CDK14: variants seen among roughly 807,000 people sequenced by gnomAD.
The protein encoded by CDK14 is cyclin-dependent kinase 14.
In CDK14, 34 loss-of-function variants were observed where a neutral mutation model predicts 60.7. That is an observed-to-expected ratio of 0.56 (90% confidence interval 0.43 to 0.75). The LOEUF is 0.75. Ranked by LOEUF, CDK14 falls within the 30% of genes least tolerant of loss-of-function variation. The pLI is 0.00. For missense variants in CDK14, 482 were observed against 564.1 expected (o/e 0.85, Z 1.47); for synonymous variants, 197 against 203.7 (o/e 0.97, Z 0.28).
intron 9 of CDK14, among the ~76,000 whole-genome samples, chr7:90,982,922 C>T (rs1412443648): frequency 6.6e-6 from 1 of 152,022 alleles, no homozygotes; most frequent in Non-Finnish European, 1.5e-5. Flanking sequence ...AGAAGACATA[C>T]GAGCAGCCAA....
intron 10 of CDK14, among the ~76,000 whole-genome samples, chr7:91,029,102 A>T: frequency 6.6e-6 from 1 of 152,134 alleles, no homozygotes; most frequent in East Asian, 1.9e-4. Context: ...TTACATTTAC[A>T]TTCAAGTCTT....
intron 2 of CDK14, among the ~76,000 whole-genome samples, chr7:90,608,239 T>C (rs539878842): frequency 6.6e-6 from 1 of 152,332 alleles, no homozygotes; most frequent in South Asian, 2.1e-4. Context: ...ATAACTACAC[T>C]ATGATTTCTG....
At chr7:90,915,712 C>T (rs1320430613) in intron 7 of CDK14, among the ~76,000 whole-genome samples, 1 of 152,206 alleles carries the variant, frequency 6.6e-6, no homozygotes, top group Non-Finnish European at 1.5e-5. Context: ...TGGAATCAGA[C>T]TCTCTGGGTT....
chr7:90,736,522 C>G (rs1393788454), intron 3 of CDK14, among the ~76,000 whole-genome samples: 1 of 151,606 alleles, frequency 6.6e-6, no homozygotes, highest in African/African-American at 2.4e-5. Flanking sequence ...AACAAGGGAG[C>G]CTTATAGACA....
intron 5 of CDK14, among the ~76,000 whole-genome samples, chr7:90,792,681 G>C: frequency 6.6e-6 from 1 of 151,542 alleles, no homozygotes. Flanking sequence ...GATACCATCA[G>C]TTCTTCCATG....
chr7:90,755,259 T>C (rs1804009182), intron 4 of CDK14, among the ~76,000 whole-genome samples: 1 of 152,166 alleles, frequency 6.6e-6, no homozygotes, highest in South Asian at 2.1e-4. Flanking sequence ...GTGGTACATA[T>C]ACACCACAGA....
At chr7:91,150,136 G>A (rs1800789760) in intron 14 of CDK14, among the ~76,000 whole-genome samples, 1 of 152,154 alleles carries the variant, frequency 6.6e-6, no homozygotes, top group South Asian at 2.1e-4. Flanking sequence ...GACTGGCCTG[G>A]CCAATTCATA....
chr7:90,833,857 A>G (rs1041074523), intron 5 of CDK14, among the ~76,000 whole-genome samples: 4 of 152,224 alleles, frequency 2.6e-5, no homozygotes, highest in African/African-American at 9.6e-5. Flanking sequence ...TAGGGTGAAA[A>G]TGAACAAACC....
chr7:90,882,573 C>T (rs1791798080), intron 6 of CDK14, among the ~76,000 whole-genome samples: 1 of 152,188 alleles, frequency 6.6e-6, no homozygotes, highest in Non-Finnish European at 1.5e-5. Context: ...AGGACTTGAA[C>T]TTAGCTCTGG....
chr7:90,821,238 G>A (rs568696641), intron 5 of CDK14, among the ~76,000 whole-genome samples: 1 of 152,174 alleles, frequency 6.6e-6, no homozygotes, highest in South Asian at 2.1e-4. Flanking sequence ...AGGAGACACA[G>A]CTATAAGGAA....
intron 5 of CDK14, among the ~76,000 whole-genome samples, chr7:90,793,464 A>G (rs545867677): frequency 4.6e-5 from 7 of 152,336 alleles, no homozygotes; most frequent in Admixed American, 3.3e-4. Context: ...TGAATTAGGC[A>G]TAAGATAGAA....
intron 2 of CDK14, among the ~76,000 whole-genome samples, chr7:90,720,057 C>T (rs1248902720): frequency 6.6e-6 from 1 of 152,136 alleles, no homozygotes; most frequent in African/African-American, 2.4e-5. Flanking sequence ...CTTTACTGGA[C>T]TCTTCAAGAG....
intron 14 of CDK14, among the ~76,000 whole-genome samples, chr7:91,144,400 A>T (rs948872001): frequency 2.6e-5 from 4 of 152,250 alleles, no homozygotes; most frequent in African/African-American, 7.2e-5. Flanking sequence ...TTTTTAAAAA[A>T]TATATGCTTG....
At chr7:90,727,591 T>C (rs1429692858) in intron 3 of CDK14, among the ~76,000 whole-genome samples, 2 of 152,188 alleles carry the variant, frequency 1.3e-5, no homozygotes, top group Non-Finnish European at 2.9e-5. Flanking sequence ...AAGTATGCTA[T>C]GAATAAATTT....
chr7:91,100,179 A>G (rs1183210254), intron 12 of CDK14, among the ~76,000 whole-genome samples: 1 of 152,194 alleles, frequency 6.6e-6, no homozygotes, highest in East Asian at 1.9e-4. Flanking sequence ...AATACTATTA[A>G]TGTTTGGTGA....
chr7:91,062,546 C>A (rs908299806), intron 11 of CDK14, among the ~76,000 whole-genome samples: 1 of 152,082 alleles, frequency 6.6e-6, no homozygotes, highest in African/African-American at 2.4e-5. Flanking sequence ...TGGCTCCACT[C>A]CCCCAGCATT....
At chr7:90,931,084 G>T (rs12668137) in intron 8 of CDK14, among the ~76,000 whole-genome samples, 23,364 of 152,048 alleles carry the variant, frequency 0.15, 1,900 homozygotes, top group Non-Finnish European at 0.18. Flanking sequence ...AGTAAGTTTT[G>T]CTATCTAGCA....
intron 8 of CDK14, among the ~76,000 whole-genome samples, chr7:90,938,179 T>C (rs1441533909): frequency 6.6e-6 from 1 of 152,270 alleles, no homozygotes; most frequent in Non-Finnish European, 1.5e-5. Flanking sequence ...TCATGTAATA[T>C]TGCTAAATAC....
In CDK14 at chr7:90,825,116, T is replaced by G. The variant is rs147684958; in HGVS notation, c.544+34464T>G. On this transcript the variant is annotated intron_variant, in intron 5 of 14. Coordinates refer to ENST00000380050, the MANE Select transcript of CDK14 (RefSeq NM_001287135.2). Reference sequence around the variant, plus strand: ...TAACATCTGAATCACTTGAGACCTATTCATAAAGAATAGGATGATGTATAT... The same window carrying G: ...TAACATCTGAATCACTTGAGACCTAGTCATAAAGAATAGGATGATGTATAT... Among the ~76,000 whole-genome samples the G allele has an allele frequency of 3.9e-5, 6 of 152,312 alleles. No homozygotes were observed. In the East Asian group the frequency reaches 1.2e-3, roughly 29 times the overall value.
Sources: gnomAD v4.1 joint callset for allele counts (sites outside exome capture counted in the v4.1 genomes callset) on GRCh38, gnomAD v4.1.1 for gene constraint, MANE v1.5 for transcripts, NCBI Gene and HGNC (gene_info 2026-07-23, HGNC 2026-07-21) for gene names.